Variants in ARSB observed in about 807,000 individuals in gnomAD.
ARSB encodes N-acetylgalactosamine-4-sulfatase.
ARSB carries 41 observed loss-of-function variants against 50.9 expected under a neutral mutation model. The ratio of observed to expected loss-of-function variants is 0.81; its 90% CI spans 0.63 to 1.04. The LOEUF is 1.04. Ranked by LOEUF, ARSB falls within the 50% of genes least tolerant of loss-of-function variation. ARSB has a pLI of 0.00. For synonymous variants in ARSB, 269 were observed against 284.8 expected (o/e 0.94, Z 0.56); for missense variants, 672 against 693.3 (o/e 0.97, Z 0.35).
intron 5 of ARSB, among the ~76,000 whole-genome samples, chr5:78,853,639 T>C (rs1414722753): frequency 1.3e-5 from 2 of 152,214 alleles, no homozygotes; most frequent in African/African-American, 4.8e-5. Flanking sequence ...GTCTTTTTGT[T>C]TGTCTGTGCC....
At chr5:78,878,857 C>CTT (rs34688578) in intron 5 of ARSB, among the ~76,000 whole-genome samples, 3 of 150,034 alleles carry the variant, frequency 2.0e-5, no homozygotes, top group African/African-American at 7.4e-5. Context: ...CAGGAGATTG[C>CTT]TTTTTTTTTT....
intron 4 of ARSB, among the ~76,000 whole-genome samples, chr5:78,951,158 C>T (rs907383659): frequency 6.6e-6 from 1 of 152,078 alleles, no homozygotes; most frequent in African/African-American, 2.4e-5. Context: ...GTGGGAGGAT[C>T]ACTTGAGCCC....
intron 5 of ARSB, among the ~76,000 whole-genome samples, chr5:78,873,079 A>C (rs1203608785): frequency 2.0e-5 from 3 of 152,170 alleles, no homozygotes; most frequent in African/African-American, 7.2e-5. Context: ...AAATGAAAAC[A>C]TTCTCCTACT....
chr5:78,826,564 A>G (rs1381572372), intron 6 of ARSB, among the ~76,000 whole-genome samples: 1 of 152,202 alleles, frequency 6.6e-6, no homozygotes, highest in Non-Finnish European at 1.5e-5. Flanking sequence ...GTAGCTACAC[A>G]GTGCCTAGAA....
chr5:78,984,392 T>C (rs1314149191), intron 1 of ARSB, among the ~76,000 whole-genome samples: 2 of 152,316 alleles, frequency 1.3e-5, no homozygotes, highest in Non-Finnish European at 2.9e-5. Context: ...GTGAAAGGAA[T>C]GTCAGCAGCC....
At chr5:78,957,242 A>C (rs911910848) in intron 3 of ARSB, among the ~76,000 whole-genome samples, 8 of 152,230 alleles carry the variant, frequency 5.3e-5, no homozygotes, top group African/African-American at 1.9e-4. Flanking sequence ...GAGGCATTTA[A>C]ATCTCATAAA....
intron 7 of ARSB, 88 bp downstream of exon 7, chr5:78,781,764 G>C (rs975797613): frequency 6.4e-7 from 1 of 1,562,796 alleles, no homozygotes; most frequent in African/African-American, 1.4e-5. Flanking sequence ...AATCCCAGGA[G>C]GGCAGATAGA....
intron 4 of ARSB, among the ~76,000 whole-genome samples, chr5:78,929,186 A>G (rs1750200617): frequency 6.6e-6 from 1 of 151,650 alleles, no homozygotes; most frequent in Non-Finnish European, 1.5e-5. Context: ...ATCCACGCAT[A>G]CTCCTGTACC....
At chr5:78,906,555 T>G (rs1297555796) in intron 4 of ARSB, among the ~76,000 whole-genome samples, 2 of 152,162 alleles carry the variant, frequency 1.3e-5, no homozygotes, top group African/African-American at 4.8e-5. Context: ...AAGGGATTCA[T>G]GAAGCTTTGA....
chr5:78,827,777 T>G (rs1744499885), intron 6 of ARSB, among the ~76,000 whole-genome samples: 1 of 152,096 alleles, frequency 6.6e-6, no homozygotes, highest in African/African-American at 2.4e-5. Flanking sequence ...AGACTTTGAC[T>G]AGGGCTGTCA....
At chr5:78,820,416 C>T (rs936431643) in intron 6 of ARSB, among the ~76,000 whole-genome samples, 9 of 151,990 alleles carry the variant, frequency 5.9e-5, no homozygotes, top group Admixed American at 5.2e-4. Context: ...CAGAAATTAG[C>T]TGGGTGTGGT....
chr5:78,853,870 G>T lies in ARSB; in HGVS notation c.1143-14444C>A, dbSNP rs144838546. 1.1e-4 allele frequency among the ~76,000 whole-genome samples: 17 copies of T among 152,338 alleles called. No homozygotes were observed. The East Asian group carries it at 1.4e-3, about 12-fold the overall frequency. On this transcript the variant is annotated intron_variant, in intron 5 of 7. Transcript: ENST00000264914. ...GCATAGGACCCTCTGAGCCAGGTGC[G>T]GGATATAATCTCCTAGTGTGCCGTT...
intron 4 of ARSB, among the ~76,000 whole-genome samples, chr5:78,931,387 A>G (rs971947922): frequency 2.6e-5 from 4 of 152,146 alleles, no homozygotes; most frequent in African/African-American, 9.7e-5. Flanking sequence ...TCTATCTTGA[A>G]TCTATTACTA....
chr5:78,886,083 C>G (rs1748020547), intron 4 of ARSB, among the ~76,000 whole-genome samples: 1 of 152,122 alleles, frequency 6.6e-6, no homozygotes, highest in Admixed American at 6.5e-5. Flanking sequence ...AAGGCAGTCC[C>G]TCGATGATAT....
chr5:78,835,868 CCTT>C (rs1342493123), intron 6 of ARSB, among the ~76,000 whole-genome samples: 1 of 152,150 alleles, frequency 6.6e-6, no homozygotes, highest in East Asian at 1.9e-4. Context: ...TGGAACGCTA[CCTT>C]CTTCTCCCGC....
At chr5:78,912,763 C>A (rs1325644260) in intron 4 of ARSB, among the ~76,000 whole-genome samples, 3 of 152,186 alleles carry the variant, frequency 2.0e-5, no homozygotes, top group Admixed American at 1.3e-4. Flanking sequence ...ATGTGACCAA[C>A]GCATCTACAT....
intron 5 of ARSB, among the ~76,000 whole-genome samples, chr5:78,840,600 G>A (rs893795068): frequency 7.9e-5 from 12 of 152,116 alleles, no homozygotes; most frequent in Admixed American, 2.0e-4. Flanking sequence ...AGCAAAAAAG[G>A]TAGGAAAGAC....
intron 5 of ARSB, chr5:78,882,823 G>A (rs1362856090): frequency 2.6e-5 from 3 of 116,646 alleles, no homozygotes; most frequent in African/African-American, 9.7e-5. Flanking sequence ...TTACTCTGTC[G>A]CCGAGGCTGG....
chr5:78,830,023 G>A (rs528174735), intron 6 of ARSB, among the ~76,000 whole-genome samples: 6 of 152,288 alleles, frequency 3.9e-5, no homozygotes, highest in East Asian at 3.9e-4. Context: ...CGGAAGGGGC[G>A]GAGCCACTGG....
Sources: allele counts gnomAD v4.1 joint callset (sites outside exome capture counted in the v4.1 genomes callset), GRCh38; gene constraint gnomAD v4.1.1; transcripts MANE v1.5; gene names NCBI Gene and HGNC (gene_info 2026-07-23, HGNC 2026-07-21).